The following DEPTOR variants were observed in gnomAD, a reference collection of about 807,000 sequenced individuals.
The protein encoded by DEPTOR is DEP domain containing MTOR interacting protein, also known as DEP domain-containing mTOR-interacting protein.
A neutral mutation model predicts 41.6 loss-of-function variants in DEPTOR; 41 were observed. The ratio of observed to expected loss-of-function variants is 0.98; its 90% CI spans 0.77 to 1.28. The LOEUF (loss-of-function observed/expected upper bound fraction) is 1.28, where lower values mean the gene tolerates loss of function less well. DEPTOR is among the 50% of genes most tolerant of loss of function. The pLI, the probability that DEPTOR is intolerant of heterozygous loss-of-function variation, is 0.00. For missense variants in DEPTOR, 514 were observed against 527.9 expected (o/e 0.97, Z 0.26); for synonymous variants, 195 against 192.3 (o/e 1.01, Z -0.12).
chr8:119,994,136 T>C (rs1812218898), intron 4 of DEPTOR, among the ~76,000 whole-genome samples: 1 of 132,068 alleles, frequency 7.6e-6, no homozygotes, highest in Non-Finnish European at 1.7e-5. Flanking sequence ...AAACTCCATC[T>C]CGAAAAAAAA....
At chr8:120,002,116 AAAAT>A (rs891705005) in intron 5 of DEPTOR, among the ~76,000 whole-genome samples, 8 of 152,154 alleles carry the variant, frequency 5.3e-5, no homozygotes, top group Admixed American at 4.6e-4. Context: ...AAAAAATTTA[AAAAT>A]AAATAAATAA....
chr8:120,045,149 G>A (rs1813135397), intron 8 of DEPTOR, among the ~76,000 whole-genome samples: 1 of 152,136 alleles, frequency 6.6e-6, no homozygotes, highest in Non-Finnish European at 1.5e-5. Flanking sequence ...GCAGTTCACG[G>A]TGTGCTTGCT....
At chr8:119,993,989 T>A (rs530799113) in intron 4 of DEPTOR, among the ~76,000 whole-genome samples, 12 of 152,086 alleles carry the variant, frequency 7.9e-5, no homozygotes, top group Middle Eastern at 3.4e-3. Context: ...AAAACCCATC[T>A]CTACTAAAAA....
chr8:119,904,965 C>CTTTTTTTTTT (rs71304920), intron 1 of DEPTOR, among the ~76,000 whole-genome samples: 15 of 85,970 alleles, frequency 1.7e-4, no homozygotes, highest in Admixed American at 5.4e-4. Flanking sequence ...CTAATTTTTG[C>CTTTTTTTTTT]TTTTTTTTTT....
chr8:119,892,080 C>A (rs1374946743), intron 1 of DEPTOR, among the ~76,000 whole-genome samples: 1 of 152,114 alleles, frequency 6.6e-6, no homozygotes, highest in East Asian at 1.9e-4. Flanking sequence ...CTCACTGCAA[C>A]CTCCACCTCC....
chr8:120,048,730 C>T (rs111362750), intron 8 of DEPTOR, among the ~76,000 whole-genome samples: 20 of 151,844 alleles, frequency 1.3e-4, no homozygotes, highest in Admixed American at 4.0e-4. Flanking sequence ...TACTCAGCAT[C>T]GGTGTAGTGC....
At chr8:119,928,302 G>T in intron 1 of DEPTOR, 98 bp from the exon 2 acceptor site, 1 of 1,292,754 alleles carries the variant, frequency 7.7e-7, no homozygotes, top group Non-Finnish European at 1.1e-6. Context: ...ACACCTTCAT[G>T]CCTTTAGAAC....
At chr8:119,972,529 A>G (rs1010827989) in intron 4 of DEPTOR, among the ~76,000 whole-genome samples, 1 of 151,958 alleles carries the variant, frequency 6.6e-6, no homozygotes, top group Non-Finnish European at 1.5e-5. Context: ...AGGCTGAGGC[A>G]GGAAAATTGC....
intron 1 of DEPTOR, among the ~76,000 whole-genome samples, chr8:119,925,228 A>G (rs1347400321): frequency 6.6e-6 from 1 of 152,092 alleles, no homozygotes; most frequent in East Asian, 1.9e-4. Flanking sequence ...CGTCTCTACT[A>G]AAAATACAAA....
intron 4 of DEPTOR, among the ~76,000 whole-genome samples, chr8:119,970,341 A>G (rs1828616369): frequency 1.3e-5 from 2 of 152,172 alleles, no homozygotes; most frequent in South Asian, 2.1e-4. Context: ...TAGTATTATT[A>G]TTGCAGATTT....
chr8:119,908,625 A>C (rs949494718), intron 1 of DEPTOR, among the ~76,000 whole-genome samples: 4 of 151,730 alleles, frequency 2.6e-5, no homozygotes, highest in African/African-American at 9.7e-5. Flanking sequence ...TTGTGGGACA[A>C]GTGTAGCTGG....
chr8:119,977,275 T>A (rs1828708652), intron 4 of DEPTOR, among the ~76,000 whole-genome samples: 1 of 152,196 alleles, frequency 6.6e-6, no homozygotes, highest in Non-Finnish European at 1.5e-5. Context: ...AGTATTGGAA[T>A]TACAGGCATG....
At chr8:120,010,267 T>C (rs1484775488) in intron 8 of DEPTOR, among the ~76,000 whole-genome samples, 1 of 148,440 alleles carries the variant, frequency 6.7e-6, no homozygotes, top group Non-Finnish European at 1.5e-5. Flanking sequence ...CATTAATGAA[T>C]GAATTATGGA....
At chr8:120,006,979 A>C (rs1812449112) in intron 7 of DEPTOR, 104 bp downstream of exon 7, 7 of 1,139,644 alleles carry the variant, frequency 6.1e-6, no homozygotes, top group Non-Finnish European at 8.9e-6. Flanking sequence ...CTACTTTTCT[A>C]ATTTTCTTTT....
chr8:119,970,833 A>T (rs1333827019), intron 4 of DEPTOR, among the ~76,000 whole-genome samples: 2 of 151,646 alleles, frequency 1.3e-5, no homozygotes, highest in East Asian at 3.9e-4. Context: ...TCTTGAAGGG[A>T]CTCCCTTCTC....
At chr8:119,969,562 G>A (rs906405310) in intron 4 of DEPTOR, among the ~76,000 whole-genome samples, 3 of 152,104 alleles carry the variant, frequency 2.0e-5, no homozygotes. Flanking sequence ...CACCATGTCA[G>A]TCAGGCAGGT....
At chr8:119,895,104 G>A (rs776999959) in intron 1 of DEPTOR, among the ~76,000 whole-genome samples, 4 of 152,212 alleles carry the variant, frequency 2.6e-5, no homozygotes, top group Non-Finnish European at 5.9e-5. Flanking sequence ...AAAGGTCAAG[G>A]TGATTGCAGG....
intron 8 of DEPTOR, among the ~76,000 whole-genome samples, chr8:120,031,556 A>G (rs914408169): frequency 3.3e-5 from 5 of 152,082 alleles, no homozygotes; most frequent in South Asian, 2.1e-4. Context: ...CTTCCATTTT[A>G]TCCATCACCT....
At chr8:119,948,265 G>A (rs1012307490) in intron 3 of DEPTOR, among the ~76,000 whole-genome samples, 2 of 152,028 alleles carry the variant, frequency 1.3e-5, no homozygotes, top group Non-Finnish European at 2.9e-5. Flanking sequence ...ATATTTAAAT[G>A]GTCTAGGCAT....
Sources: gnomAD v4.1 joint callset for allele counts (sites outside exome capture counted in the v4.1 genomes callset) on GRCh38, gnomAD v4.1.1 for gene constraint, MANE v1.5 for transcripts, NCBI Gene and HGNC (gene_info 2026-07-23, HGNC 2026-07-21) for gene names.